The following MARCHF3 variants were observed in gnomAD, a reference collection of about 807,000 sequenced individuals.
MARCHF3 encodes E3 ubiquitin-protein ligase MARCHF3.
Under a neutral mutation model 24.2 loss-of-function variants are expected in MARCHF3, and 13 were observed. The ratio of observed to expected loss-of-function variants is 0.54; its 90% CI spans 0.35 to 0.85. MARCHF3 has a LOEUF of 0.85. Among genes scored for constraint, MARCHF3 ranks in the 40% least tolerant of loss-of-function variants. MARCHF3 has a pLI of 0.01. For synonymous variants in MARCHF3, 144 were observed against 137.3 expected (o/e 1.05, Z -0.34); for missense variants, 276 against 325.0 (o/e 0.85, Z 1.16).
Position 126,930,255 on chromosome 5 carries a change from T to C in MARCHF3, c.-56-12028A>G, listed in dbSNP as rs374734629. ...AAGGCCAGATGCTGTTTTCCTTGCCTGTGTTGGTACCTAAGACTTTTGTCC... is the reference window on the plus strand; with the variant it reads ...AAGGCCAGATGCTGTTTTCCTTGCCCGTGTTGGTACCTAAGACTTTTGTCC... On this transcript the variant is annotated intron_variant, in intron 1 of 4. Transcript: ENST00000308660. 2.6e-4 allele frequency among the ~76,000 whole-genome samples: 40 copies of C among 152,350 alleles called. No individual in the cohort carries two copies. In the East Asian group the frequency reaches 5.8e-3, roughly 22 times the overall value.
chr5:126,996,031 T>G (rs1751939131), intron 1 of MARCHF3, among the ~76,000 whole-genome samples: 1 of 152,230 alleles, frequency 6.6e-6, no homozygotes, highest in South Asian at 2.1e-4. Flanking sequence ...AGGGACAATT[T>G]TGCACACTTT....
At chr5:126,981,516 C>T (rs1751393836) in intron 1 of MARCHF3, among the ~76,000 whole-genome samples, 1 of 152,214 alleles carries the variant, frequency 6.6e-6, no homozygotes, top group South Asian at 2.1e-4. Context: ...TTGGAGATAA[C>T]TTCCTTGAGT....
chr5:126,898,739 C>T, intron 3 of MARCHF3: 1 of 481,540 alleles, frequency 2.1e-6, no homozygotes, highest in Non-Finnish European at 2.7e-6. Flanking sequence ...TACGTGCCAG[C>T]ATTTCATATA....
chr5:126,909,583 C>G (rs536460233), intron 3 of MARCHF3, among the ~76,000 whole-genome samples: 23 of 152,342 alleles, frequency 1.5e-4, no homozygotes, highest in African/African-American at 5.1e-4. Context: ...ACTCGATTTT[C>G]CAGGTGTCGT....
intron 1 of MARCHF3, among the ~76,000 whole-genome samples, chr5:127,024,470 G>A (rs896520548): frequency 6.6e-6 from 1 of 152,166 alleles, no homozygotes; most frequent in African/African-American, 2.4e-5. Context: ...GGTTCTGCCT[G>A]AAGAAGACAT....
In MARCHF3 at chr5:127,005,626, C is replaced by T. The variant is rs553133236; in HGVS notation, c.-57+24724G>A. ...TAGCAGAATGTGTGCATCATTTTTT[C>T]TGAGAAGTGAGTATATATCTTTTAT... is the stretch of plus-strand genomic sequence containing the variant. On this transcript the variant is annotated intron_variant, in intron 1 of 4. Transcript: ENST00000308660. Among the ~76,000 whole-genome samples the T allele has an allele frequency of 1.7e-3, 265 of 152,128 alleles. 1 individual carries two copies. The highest frequency in any genetic ancestry group is 0.014 in the Middle Eastern group (4 of 294).
chr5:126,918,036 C>A lies in MARCHF3; in HGVS notation c.136G>T (p.Ala46Ser), dbSNP rs1399198773. ...GQPQYVMQVS[A>S]KDGQLLSTVV... ...GTTGACAGCAGCTGCCCGTCCTTGG[C>A]TGAAACTTGCATGACATACTGCGGC... The change falls in exon 2 of 5, where the codon GCC (alanine) becomes TCC (serine). Residue 46 changes from alanine to serine, a missense_variant. Transcript: ENST00000308660. 1 of 1,614,182 alleles carries A rather than the reference C, an allele frequency of 6.2e-7. No homozygotes were observed. The highest frequency in any genetic ancestry group is 1.1e-5 in the South Asian group (1 of 91,080).
In MARCHF3 at chr5:126,918,094, C is replaced by T. The variant is rs753197947; in HGVS notation, c.78G>A (p.Thr26=). ...TCACTAGGCTGCCACAATCCTCCAC[C>T]GTCTTCACCACGGGTGCAGCTGAGC... ...CTSSAAPVVK[T]VEDCGSLVNG... is the part of the protein sequence containing the mutation. The change falls in exon 2 of 5, where the codon ACG becomes ACA. Residue 26 remains threonine, a synonymous_variant. Transcript: ENST00000308660. 2.2e-5 allele frequency: 35 copies of T among 1,614,068 alleles called. No individual in the cohort carries two copies. Among genetic ancestry groups the T allele is most frequent in the South Asian group, 5.5e-5 (5 of 91,086 alleles).
chr5:126,952,646 C>G (rs541102694), intron 1 of MARCHF3, among the ~76,000 whole-genome samples: 19 of 151,980 alleles, frequency 1.3e-4, no homozygotes, highest in Non-Finnish European at 2.4e-4. Flanking sequence ...ACTTTTAAGG[C>G]CTTTGCTATC....
rs955695336 is a variant in MARCHF3, at chr5:126,960,749, T to A, written c.-56-42522A>T. Among the ~76,000 whole-genome samples, 5 of 152,016 alleles carry A rather than the reference T, an allele frequency of 3.3e-5. 1 individual carries two copies. Among genetic ancestry groups the A allele is most frequent in the Admixed American group, 3.3e-4 (5 of 15,256 alleles). On this transcript the variant is annotated intron_variant, in intron 1 of 4. Transcript: ENST00000308660. ...CACAGCAATGATATTTTGCCATTTT[T>A]ATGCATTAAAAAAGAGAGAACTGTC...
intron 4 of MARCHF3, among the ~76,000 whole-genome samples, chr5:126,873,788 TAAG>T (rs890900387): frequency 6.6e-6 from 1 of 152,198 alleles, no homozygotes; most frequent in Non-Finnish European, 1.5e-5. Flanking sequence ...ATTCAATTAA[TAAG>T]AAGAAAGCAA....
In MARCHF3 at chr5:126,883,519, G is replaced by A. The variant is rs77930919; in HGVS notation, c.394-5125C>T. ...TAGAAACCCCACCGTAATCAGCACT[G>A]AAGGGCCTGAGACAGAAGAGGGGAT... is the stretch of plus-strand genomic sequence containing the variant. On this transcript the variant is annotated intron_variant, in intron 3 of 4. Coordinates refer to ENST00000308660, the MANE Select transcript of MARCHF3 (RefSeq NM_178450.5). Among the ~76,000 whole-genome samples, 1,281 of 152,314 alleles carry A rather than the reference G, an allele frequency of 8.4e-3. 26 individuals carry two copies. Among genetic ancestry groups the A allele is most frequent in the African/African-American group, 0.028 (1,182 of 41,554 alleles).
At chr5:126,953,692 T>C (rs570688018) in intron 1 of MARCHF3, among the ~76,000 whole-genome samples, 87 of 152,326 alleles carry the variant, frequency 5.7e-4, no homozygotes, top group South Asian at 3.7e-3. Flanking sequence ...TCTTTATCTT[T>C]TGTGTTCAAA....
intron 3 of MARCHF3, among the ~76,000 whole-genome samples, chr5:126,891,070 A>G (rs1269033239): frequency 8.7e-5 from 13 of 150,226 alleles, no homozygotes; most frequent in Non-Finnish European, 1.8e-4. Context: ...GTGTTTTTTG[A>G]CTGCATAAAT....
At chr5:126,919,459 A>C (rs564718919) in intron 1 of MARCHF3, among the ~76,000 whole-genome samples, 2 of 152,294 alleles carry the variant, frequency 1.3e-5, no homozygotes, top group East Asian at 3.9e-4. Flanking sequence ...GACTTAAATA[A>C]ATGAAATATC....
chr5:126,989,606 T>C (rs1751683276), intron 1 of MARCHF3, among the ~76,000 whole-genome samples: 1 of 152,186 alleles, frequency 6.6e-6, no homozygotes, highest in South Asian at 2.1e-4. Context: ...CAGATTCATC[T>C]TAACACCTTC....
intron 1 of MARCHF3, among the ~76,000 whole-genome samples, chr5:126,959,586 A>G (rs1750570447): frequency 6.6e-6 from 1 of 152,196 alleles, no homozygotes. Context: ...TAATGCATCA[A>G]TCTTGGTCCT....
chr5:126,889,920 T>C (rs1490849655), intron 3 of MARCHF3, among the ~76,000 whole-genome samples: 1 of 152,218 alleles, frequency 6.6e-6, no homozygotes, highest in Non-Finnish European at 1.5e-5. Context: ...CCTGTTCACA[T>C]TGTCTAAGCT....
intron 1 of MARCHF3, among the ~76,000 whole-genome samples, chr5:127,001,946 A>T (rs989757584): frequency 6.6e-6 from 1 of 152,254 alleles, no homozygotes; most frequent in Non-Finnish European, 1.5e-5. Flanking sequence ...ACTTTATAGG[A>T]GACTCAAGGA....
Sources: gnomAD v4.1 joint callset for allele counts (sites outside exome capture counted in the v4.1 genomes callset) on GRCh38, gnomAD v4.1.1 for gene constraint, MANE v1.5 for transcripts, NCBI Gene and HGNC (gene_info 2026-07-23, HGNC 2026-07-21) for gene names.